Variants in DYSF observed in about 807,000 individuals in gnomAD.
The protein encoded by DYSF is dystrophy-associated fer-1-like 1.
DYSF carries 212 observed loss-of-function variants against 274.9 expected under a neutral mutation model. The ratio of observed to expected loss-of-function variants is 0.77; its 90% confidence interval spans 0.69 to 0.86. DYSF has a LOEUF of 0.86. DYSF is among the 40% of genes least tolerant of loss of function. The pLI, the probability that DYSF is intolerant of heterozygous loss-of-function variation, is 0.00. For synonymous variants in DYSF, 1,091 were observed against 1,078.7 expected, an observed-to-expected ratio of 1.01 and a Z score of -0.22; for missense variants, 2,666 against 2,783.2, an observed-to-expected ratio of 0.96 and a Z score of 0.95.
chr2:71,573,187 C>G (rs145559572), intron 29 of DYSF, among the ~76,000 whole-genome samples: 233 of 152,342 alleles, frequency 1.5e-3, no homozygotes, highest in African/African-American at 5.3e-3. Context: ...CTAGAGAGGA[C>G]TCTTGCTGGC....
At position 71,669,279 on chromosome 2, in the gene DYSF, A is replaced by G; in HGVS notation, c.5642+72A>G. The stretch of plus-strand genomic sequence containing the variant: ...GTGCTCCCTCTGGGTTGTGCACAGC[A>G]CGGGGGGCTCTGGCTCAGGGAAGGG... On this transcript the variant is annotated intron_variant, in intron 50 of 55. Coordinates refer to ENST00000410020, the MANE Select transcript of DYSF (RefSeq NM_001130987.2). The G allele has an allele frequency of 1.5e-5, 19 of 1,301,938 alleles. 1 individual carries two copies. In the South Asian group the frequency reaches 2.4e-4, roughly 16 times the overall value. The allele number at this position is 1,301,938 out of a possible 1,614,324, so 80.6% of individuals were successfully genotyped here.
At chr2:71,587,068 T>C (rs2093092965) in intron 30 of DYSF, among the ~76,000 whole-genome samples, 1 of 152,216 alleles carries the variant, frequency 6.6e-6, no homozygotes, top group African/African-American at 2.4e-5. Flanking sequence ...TAACCAGCTT[T>C]CCTTAGTGTC....
chr2:71,680,900 T>A (rs992360475), intron 53 of DYSF, 101 bp from the exon 54 acceptor site: 81 of 915,212 alleles, frequency 8.9e-5, no homozygotes, highest in Admixed American at 1.7e-4. Flanking sequence ...TCTTTTTTTT[T>A]AAATAATGAA....
chr2:71,520,647 A>T (rs1360502674), intron 11 of DYSF, 142 bp from the exon 12 acceptor site: 2 of 745,142 alleles, frequency 2.7e-6, no homozygotes, highest in East Asian at 2.5e-5. Flanking sequence ...GTACCTTTTG[A>T]TTCTAGAATC....
chr2:71,551,748 TGGGCGTCGGGGCAGGGAA>T (rs1403409620), intron 19 of DYSF, 28 bp downstream of exon 19: 1 of 1,564,924 alleles, frequency 6.4e-7, no homozygotes, highest in Admixed American at 1.9e-5. Context: ...GGGTGGGAGC[TGGGCGTCGGGGCAGGGAA>T]GGGATGGCCA....
At chr2:71,563,137 C>T (rs570543563) in intron 23 of DYSF, among the ~76,000 whole-genome samples, 4 of 152,342 alleles carry the variant, frequency 2.6e-5, no homozygotes, top group African/African-American at 9.6e-5. Context: ...CTGGAAGCTG[C>T]TGCTGCTGTG....
chr2:71,453,724 G>A (rs1283447281), exon 1 of DYSF: 14 of 522,592 alleles, frequency 2.7e-5, no homozygotes, highest in Non-Finnish European at 4.2e-5. Flanking sequence ...GGCGGCGGGG[G>A]TGGAAGATGA....
At chr2:71,636,322 G>A (rs2094401581) in intron 41 of DYSF, among the ~76,000 whole-genome samples, 1 of 152,182 alleles carries the variant, frequency 6.6e-6, no homozygotes, top group Non-Finnish European at 1.5e-5. Context: ...TGAAGGTGGG[G>A]AGGCCAGTTA....
chr2:71,561,655 G>T, intron 22 of DYSF, 97 bp from the exon 23 acceptor site: 1 of 1,434,674 alleles, frequency 7.0e-7, no homozygotes, highest in Non-Finnish European at 9.8e-7. Context: ...CAGGCGGAGG[G>T]GGTGGGGCCT....
At chr2:71,604,464 C>G (rs557263288) in intron 36 of DYSF, among the ~76,000 whole-genome samples, 4 of 152,280 alleles carry the variant, frequency 2.6e-5, no homozygotes, top group Non-Finnish European at 4.4e-5. Context: ...AGTGCTCAAG[C>G]CTTTCTGGAG....
chr2:71,509,155 C>A (rs765466732), intron 4 of DYSF, among the ~76,000 whole-genome samples: 1 of 151,844 alleles, frequency 6.6e-6, no homozygotes, highest in African/African-American at 2.4e-5. Context: ...TGTGCCCAGC[C>A]GTCATGAAGT....
At chr2:71,592,197 G>A (rs778420039) in intron 32 of DYSF, among the ~76,000 whole-genome samples, 2 of 152,178 alleles carry the variant, frequency 1.3e-5, no homozygotes, top group African/African-American at 2.4e-5. Flanking sequence ...CCTGCGGGCC[G>A]AGCACCCTGC....
In DYSF at chr2:71,686,603, C is replaced by A; in HGVS notation, c.*111C>A. On this transcript the variant is annotated 3_prime_UTR_variant, in exon 56 of 56. Coordinates refer to ENST00000410020, the MANE Select transcript of DYSF (RefSeq NM_001130987.2). ...TCCAGACCTCCTAGGCCTGATTGTC[C>A]TGCCAGGGTGGGCAGACAGACAGAT... 1 of 1,322,508 alleles carries A rather than the reference C, an allele frequency of 7.6e-7. No individual in the cohort carries two copies. Among genetic ancestry groups the A allele is most frequent in the Non-Finnish European group, 1.1e-6 (1 of 923,738 alleles). The allele number at this position is 1,322,508 out of a possible 1,614,324, so 81.9% of individuals were successfully genotyped here.
chr2:71,681,173 A>T, intron 54 of DYSF, 63 bp downstream of exon 54: 1 of 1,501,922 alleles, frequency 6.7e-7, no homozygotes, highest in Non-Finnish European at 9.2e-7. Flanking sequence ...ACAGTCCAGG[A>T]GGCATCCCAT....
chr2:71,665,350 C>T, intron 47 of DYSF, 46 bp downstream of exon 47: 2 of 1,612,818 alleles, frequency 1.2e-6, no homozygotes, highest in Non-Finnish European at 1.7e-6. Flanking sequence ...CTCGCTGTAT[C>T]CCTCCCTCTC....
Position 71,667,279 on chromosome 2 carries a change from G to A in DYSF, c.5318-97G>A. 2.5e-6 allele frequency: 4 copies of A among 1,585,118 alleles called. No homozygotes were observed. The South Asian group carries it at 4.4e-5, about 18-fold the overall frequency. Reference sequence around the variant, plus strand: ...GGCTGCGGGGGTTAGAGCTTCTTATGACTCTTAGGCAGCCCTGCTCAGCCT... The same window carrying A: ...GGCTGCGGGGGTTAGAGCTTCTTATAACTCTTAGGCAGCCCTGCTCAGCCT... On this transcript the variant is annotated intron_variant, in intron 47 of 55. Coordinates refer to ENST00000410020, the MANE Select transcript of DYSF (RefSeq NM_001130987.2).
intron 12 of DYSF, 89 bp downstream of exon 12, chr2:71,520,993 T>A: frequency 9.2e-7 from 1 of 1,088,528 alleles, no homozygotes. Flanking sequence ...ACTCTATTTT[T>A]TTTTCTGATT....
rs1276931027 is a variant in DYSF at position 71,539,243 on chromosome 2, T to C, written c.1576+4T>C. On this transcript the variant is annotated splice_donor_region_variant and intron_variant, in intron 17 of 55. Transcript: ENST00000410020. ...GCCCCTGGAGGAGAAATAGAAGGTA[T>C]GTTCCCTCTTCGTTCTGCCCTTTGA... 6.2e-7 allele frequency: 1 copy of C among 1,613,450 alleles called. No homozygotes were observed. Among genetic ancestry groups the C allele is most frequent in the Non-Finnish European group, 8.5e-7 (1 of 1,179,390 alleles).
At chr2:71,474,271 A>G (rs2082244599) in intron 1 of DYSF, among the ~76,000 whole-genome samples, 1 of 152,064 alleles carries the variant, frequency 6.6e-6, no homozygotes, top group Non-Finnish European at 1.5e-5. Flanking sequence ...ATCACACACT[A>G]TTTGTCTTTT....
Sources: allele counts gnomAD v4.1 joint callset (sites outside exome capture counted in the v4.1 genomes callset), GRCh38; gene constraint gnomAD v4.1.1; transcripts MANE v1.5; gene names NCBI Gene and HGNC (gene_info 2026-07-23, HGNC 2026-07-21).